Variants in NRXN1 observed in about 807,000 individuals in gnomAD.
The protein encoded by NRXN1 is neurexin-1.
A neutral mutation model predicts 150.9 loss-of-function variants in NRXN1; 39 were observed. The ratio of observed to expected loss-of-function variants is 0.26; its 90% CI spans 0.20 to 0.34. NRXN1 has a LOEUF of 0.34. Among genes scored for constraint, NRXN1 ranks in the 10% least tolerant of loss-of-function variants. NRXN1 has a pLI of 1.00. For synonymous variants in NRXN1, 924 were observed against 757.0 expected (o/e 1.22, Z -3.62); for missense variants, 1,815 against 1,949.9 (o/e 0.93, Z 1.30).
At chr2:50,353,991 C>T (rs2078609211) in intron 17 of NRXN1, among the ~76,000 whole-genome samples, 1 of 152,064 alleles carries the variant, frequency 6.6e-6, no homozygotes. Context: ...CAGGGGAATG[C>T]CAAGGTCCTT....
chr2:50,549,710 TG>T (rs1410723210), intron 9 of NRXN1, among the ~76,000 whole-genome samples: 1 of 152,224 alleles, frequency 6.6e-6, no homozygotes, highest in East Asian at 1.9e-4. Flanking sequence ...CTTGGTAATT[TG>T]GATGAATTAA....
intron 17 of NRXN1, among the ~76,000 whole-genome samples, chr2:50,430,466 A>C (rs2084874340): frequency 6.6e-6 from 1 of 152,192 alleles, no homozygotes; most frequent in African/African-American, 2.4e-5. Context: ...TGAGCACTTA[A>C]AATGTGGCAG....
chr2:51,027,179 C>A (rs567351362), intron 2 of NRXN1, among the ~76,000 whole-genome samples: 2 of 152,214 alleles, frequency 1.3e-5, no homozygotes, highest in East Asian at 3.9e-4. Context: ...GGGCCGCGGC[C>A]CAATATAGGG....
chr2:50,219,888 T>C (rs529651807), intron 18 of NRXN1, among the ~76,000 whole-genome samples: 3 of 95,064 alleles, frequency 3.2e-5, no homozygotes, highest in South Asian at 2.9e-4. Flanking sequence ...TATATACATA[T>C]ATATACACAC....
intron 17 of NRXN1, among the ~76,000 whole-genome samples, chr2:50,272,175 G>A (rs2069769764): frequency 6.6e-6 from 1 of 152,152 alleles, no homozygotes; most frequent in Non-Finnish European, 1.5e-5. Context: ...TTAGCAATGT[G>A]GCGGAGAAAA....
At chr2:50,352,776 T>TAATA (rs1478736717) in intron 17 of NRXN1, among the ~76,000 whole-genome samples, 1,070 of 84,000 alleles carry the variant, frequency 0.013, 9 homozygotes, top group East Asian at 0.02. Flanking sequence ...ATAATAATAA[T>TAATA]ATTATAATAA....
intron 17 of NRXN1, among the ~76,000 whole-genome samples, chr2:50,266,355 G>A (rs2068865058): frequency 6.7e-6 from 1 of 149,184 alleles, no homozygotes; most frequent in African/African-American, 2.4e-5. Flanking sequence ...CCCTGAAATG[G>A]ACAGTGTGAA....
chr2:49,963,537 A>G (rs1676380467), intron 21 of NRXN1, among the ~76,000 whole-genome samples: 1 of 152,218 alleles, frequency 6.6e-6, no homozygotes, highest in South Asian at 2.1e-4. Context: ...CATATTTAGG[A>G]AAGTAGAATG....
chr2:51,007,165 T>C (rs984702360), intron 2 of NRXN1, among the ~76,000 whole-genome samples: 2 of 151,998 alleles, frequency 1.3e-5, no homozygotes, highest in African/African-American at 4.8e-5. Context: ...AAAATTCTAT[T>C]TTGTAACAAA....
intron 2 of NRXN1, among the ~76,000 whole-genome samples, chr2:51,016,681 T>C (rs1438540489): frequency 6.6e-6 from 1 of 152,186 alleles, no homozygotes; most frequent in Non-Finnish European, 1.5e-5. Context: ...TCAGCCATTG[T>C]AGAAGACAGT....
At chr2:50,991,719 G>GATT (rs1294898371) in intron 2 of NRXN1, among the ~76,000 whole-genome samples, 1 of 151,982 alleles carries the variant, frequency 6.6e-6, no homozygotes, top group Non-Finnish European at 1.5e-5. Flanking sequence ...CCAGAAAACA[G>GATT]ATTATCTAAT....
At chr2:50,186,511 T>C (rs1255575111) in intron 18 of NRXN1, among the ~76,000 whole-genome samples, 3 of 152,124 alleles carry the variant, frequency 2.0e-5, no homozygotes, top group Admixed American at 1.3e-4. Flanking sequence ...AGGAAACTTG[T>C]GTATTACTCA....
At chr2:50,048,211 T>C (rs1011104028) in intron 21 of NRXN1, among the ~76,000 whole-genome samples, 1 of 152,174 alleles carries the variant, frequency 6.6e-6, no homozygotes, top group Non-Finnish European at 1.5e-5. Flanking sequence ...CATGCCTTTG[T>C]ATATATTTTA....
In NRXN1 at chr2:50,922,667, C is replaced by T. The variant is rs368240967; in HGVS notation, c.811G>A (p.Gly271Ser). The change falls in exon 4 of 23, where the codon GGC becomes AGC. Residue 271 changes from glycine (G) to serine (S), a missense_variant. By Grantham distance (56) the Gly-to-Ser change is moderately conservative. Around this residue, in one of 6 missense-constraint regions of NRXN1, gnomAD observed 554 missense variants for 478.8 expected, o/e 1.16. Transcript: ENST00000401669. ...NVEGLAHLMM[G>S]DQGKSKGKEE... ...GGAACAGAGCCCATACCTTGGTCGC[C>T]CATCATCAGGTGCGCCAGACCTTGA... is the stretch of plus-strand genomic sequence containing the variant. The T allele has an allele frequency of 7.5e-5, 120 of 1,610,132 alleles. No homozygotes were observed. Among genetic ancestry groups the T allele is most frequent in the Non-Finnish European group, 1.0e-4 (118 of 1,178,138 alleles).
chr2:50,240,432 T>A (rs74440561), intron 17 of NRXN1, among the ~76,000 whole-genome samples: 1,527 of 151,818 alleles, frequency 0.01, 24 homozygotes, highest in African/African-American at 0.034. Context: ...GGATTTTTTT[T>A]AAAAAATTAA....
At chr2:50,549,855 C>T (rs977647503) in intron 9 of NRXN1, among the ~76,000 whole-genome samples, 2 of 152,042 alleles carry the variant, frequency 1.3e-5, no homozygotes, top group Non-Finnish European at 1.5e-5. Context: ...ATTTTGTTCT[C>T]TGTGAGTATG....
intron 18 of NRXN1, among the ~76,000 whole-genome samples, chr2:50,099,023 T>C (rs1700659343): frequency 6.6e-6 from 1 of 152,038 alleles, no homozygotes; most frequent in South Asian, 2.1e-4. Flanking sequence ...CAAATCTTCA[T>C]TAAGGATAGT....
intron 17 of NRXN1, among the ~76,000 whole-genome samples, chr2:50,447,884 A>G (rs964122931): frequency 1.3e-5 from 2 of 150,598 alleles, no homozygotes; most frequent in African/African-American, 4.9e-5. Flanking sequence ...CCATTCACCA[A>G]TGATGGCAGA....
intron 2 of NRXN1, among the ~76,000 whole-genome samples, chr2:51,001,120 A>G (rs1317019997): frequency 1.3e-5 from 2 of 151,172 alleles, no homozygotes; most frequent in African/African-American, 2.4e-5. Context: ...TTGTTTTAGC[A>G]TATCTTCAGG....
Sources: allele counts gnomAD v4.1 joint callset (sites outside exome capture counted in the v4.1 genomes callset), GRCh38; gene constraint gnomAD v4.1.1; regional missense constraint gnomAD v4.1.1; transcripts MANE v1.5; gene names NCBI Gene and HGNC (gene_info 2026-07-23, HGNC 2026-07-21).